DAPL1: variants seen among roughly 807,000 people sequenced by gnomAD.
DAPL1 encodes death-associated protein-like 1.
DAPL1 carries 17 observed loss-of-function variants against 12.9 expected under a neutral mutation model. That is an observed-to-expected ratio of 1.32 (90% CI 0.90 to 1.98). DAPL1 has a LOEUF of 1.98. Ranked by LOEUF, DAPL1 falls within the 30% of genes most tolerant of loss-of-function variation. The pLI is 0.00. For missense variants in DAPL1, 157 were observed against 125.7 expected, an observed-to-expected ratio of 1.25 and a Z score of -1.19; for synonymous variants, 51 against 42.0, an observed-to-expected ratio of 1.21 and a Z score of -0.82.
intron 3 of DAPL1, among the ~76,000 whole-genome samples, chr2:158,814,967 T>C (rs1002233288): frequency 6.6e-6 from 1 of 152,230 alleles, no homozygotes; most frequent in Non-Finnish European, 1.5e-5. Flanking sequence ...GTCAGCAGCA[T>C]TGGGCATGCT....
intron 3 of DAPL1, among the ~76,000 whole-genome samples, chr2:158,813,390 C>T (rs879550867): frequency 6.6e-6 from 1 of 152,082 alleles, no homozygotes; most frequent in Admixed American, 6.5e-5. Flanking sequence ...GTTAAAATGG[C>T]AAGTTTTATG....
intron 2 of DAPL1, among the ~76,000 whole-genome samples, chr2:158,805,828 G>A (rs2059197876): frequency 6.7e-6 from 1 of 148,716 alleles, no homozygotes; most frequent in African/African-American, 2.4e-5. Context: ...GACTTTTACA[G>A]AACTTAAACA....
At position 158,797,767 on chromosome 2, in the gene DAPL1, G is replaced by A. The variant is rs537293381; in HGVS notation, c.58+2337G>A. On this transcript the variant is annotated intron_variant, in intron 1 of 3. Transcript: ENST00000309950. Reference sequence around the variant, plus strand: ...GATCACGCCACTGCACTCCAGCCTGGGCAACAAGAGTGAGACCCCGTCTGA... The same window carrying A: ...GATCACGCCACTGCACTCCAGCCTGAGCAACAAGAGTGAGACCCCGTCTGA... Among the ~76,000 whole-genome samples the A allele has an allele frequency of 5.3e-4, 81 of 151,682 alleles. 1 individual carries two copies. Among genetic ancestry groups the A allele is most frequent in the African/African-American group, 1.7e-3 (72 of 41,468 alleles).
At chr2:158,795,611 G>A (rs549732023) in intron 1 of DAPL1, among the ~76,000 whole-genome samples, 181 bp downstream of exon 1, 4 of 152,236 alleles carry the variant, frequency 2.6e-5, no homozygotes, top group African/African-American at 7.2e-5. Flanking sequence ...AAATCCACCC[G>A]GGGATTTGTC....
chr2:158,815,722 A>G lies in DAPL1; in HGVS notation c.225A>G (p.Pro75=), dbSNP rs2105159133. Residue 75 remains proline (P), a synonymous_variant, in exon 4 of 4, where the codon CCA becomes CCG. Transcript: ENST00000309950. ...DALEKLNYKF[P]ATVHMAHQKP... ...ACCTTTAGCTCAACTATAAATTTCC[A>G]GCAACAGTGCACATGGCGCATCAAA... 1.9e-6 allele frequency: 3 copies of G among 1,613,216 alleles called. No homozygotes were observed. The highest frequency in any genetic ancestry group is 2.5e-6 in the Non-Finnish European group (3 of 1,179,134).
At chr2:158,795,651 C>T (rs1221255394) in intron 1 of DAPL1, among the ~76,000 whole-genome samples, 1 of 152,176 alleles carries the variant, frequency 6.6e-6, no homozygotes, top group East Asian at 1.9e-4. Context: ...ACCTAATTAC[C>T]TACGGCAGTG....
intron 1 of DAPL1, among the ~76,000 whole-genome samples, chr2:158,800,773 T>G (rs1271262789): frequency 6.6e-6 from 1 of 152,220 alleles, no homozygotes; most frequent in African/African-American, 2.4e-5. Flanking sequence ...CTGGTCACTC[T>G]CCTCTGAAGA....
chr2:158,813,382 T>C (rs185672937), intron 3 of DAPL1, among the ~76,000 whole-genome samples: 6 of 152,292 alleles, frequency 3.9e-5, no homozygotes, highest in East Asian at 1.9e-4. Flanking sequence ...TTAAAATGGT[T>C]AAAATGGCAA....
intron 1 of DAPL1, among the ~76,000 whole-genome samples, chr2:158,803,351 C>T (rs918428135): frequency 2.0e-5 from 3 of 152,198 alleles, no homozygotes; most frequent in African/African-American, 7.2e-5. Context: ...TTGACAAGGG[C>T]ACAGAAAAAT....
intron 3 of DAPL1, among the ~76,000 whole-genome samples, chr2:158,813,619 G>A (rs1048956669): frequency 7.1e-5 from 10 of 141,018 alleles, no homozygotes; most frequent in Non-Finnish European, 1.4e-4. Context: ...GCAGTGACCC[G>A]ATCTCGGCTC....
chr2:158,799,498 G>A (rs1023325892), intron 1 of DAPL1, among the ~76,000 whole-genome samples: 1 of 151,802 alleles, frequency 6.6e-6, no homozygotes, highest in Non-Finnish European at 1.5e-5. Flanking sequence ...ATAATGGCTT[G>A]TCTAGACCCC....
chr2:158,795,425 C>G lies in DAPL1; in HGVS notation c.53C>G (p.Pro18Arg). ...TCCCCTCGGAAAGGGGGACATCCTC[C>G]TGCAGGTAGGCTGCCACCTGCCCTC... The part of the protein sequence containing the change: ...LLSPRKGGHP[P>R]AVKAGGMRIS... Residue 18 changes from proline (P) to arginine (R), a missense_variant, in exon 1 of 4, where the codon CCT (proline) becomes CGT (arginine). Pro to Arg is a moderately radical substitution (Grantham distance 103). Coordinates refer to ENST00000309950, the MANE Select transcript of DAPL1 (RefSeq NM_001017920.3). 1 of 1,554,788 alleles carries G rather than the reference C, an allele frequency of 6.4e-7. No homozygotes were observed. The highest frequency in any genetic ancestry group is 8.7e-7 in the Non-Finnish European group (1 of 1,148,762).
intron 1 of DAPL1, among the ~76,000 whole-genome samples, chr2:158,803,102 C>T (rs903623938): frequency 5.9e-5 from 9 of 152,084 alleles, no homozygotes; most frequent in African/African-American, 4.8e-5. Context: ...CAATGTGTAC[C>T]TTAGGCTACC....
chr2:158,813,982 C>A (rs537041639), intron 3 of DAPL1, among the ~76,000 whole-genome samples: 2 of 152,270 alleles, frequency 1.3e-5, no homozygotes, highest in South Asian at 2.1e-4. Context: ...TGGCTAATTG[C>A]CCAAATTTCT....
intron 3 of DAPL1, among the ~76,000 whole-genome samples, chr2:158,811,562 T>C (rs2059230500): frequency 6.6e-6 from 1 of 152,202 alleles, no homozygotes; most frequent in South Asian, 2.1e-4. Context: ...ATGAAAAATA[T>C]AGGTTCTGAG....
At chr2:158,809,365 A>AAAAAAAAAAAAAAAAAAAG (rs1418711190) in intron 3 of DAPL1, among the ~76,000 whole-genome samples, 1 of 150,610 alleles carries the variant, frequency 6.6e-6, no homozygotes, top group Non-Finnish European at 1.5e-5. Flanking sequence ...CTCAAAAAAA[A>AAAAAAAAAAAAAAAAAAAG]AAAGAAATAT....
intron 3 of DAPL1, among the ~76,000 whole-genome samples, chr2:158,812,827 G>A (rs1358955547): frequency 2.7e-5 from 4 of 149,628 alleles, no homozygotes; most frequent in African/African-American, 9.8e-5. Context: ...GAAAGAGAGA[G>A]AATTGCTGTA....
intron 3 of DAPL1, among the ~76,000 whole-genome samples, chr2:158,814,005 T>C (rs1330851839): frequency 6.6e-6 from 1 of 152,194 alleles, no homozygotes; most frequent in African/African-American, 2.4e-5. Flanking sequence ...TATATCAGAG[T>C]TTTTTTGTTT....
chr2:158,810,582 C>G (rs2059225068), intron 3 of DAPL1, among the ~76,000 whole-genome samples: 1 of 152,106 alleles, frequency 6.6e-6, no homozygotes, highest in Admixed American at 6.5e-5. Context: ...GAAAAATAGT[C>G]CCCGAAGGGC....
Sources: allele counts gnomAD v4.1 joint callset (sites outside exome capture counted in the v4.1 genomes callset), GRCh38; gene constraint gnomAD v4.1.1; transcripts MANE v1.5; gene names NCBI Gene and HGNC (gene_info 2026-07-23, HGNC 2026-07-21).